Variants in MLLT10 observed in about 807,000 individuals in gnomAD.
The protein encoded by MLLT10 is MLLT10 histone lysine methyltransferase DOT1L cofactor.
A neutral mutation model predicts 129.1 loss-of-function variants in MLLT10; 30 were observed. That is an observed-to-expected ratio of 0.23 (90% CI 0.17 to 0.32). The LOEUF is 0.32. Among genes scored for constraint, MLLT10 ranks in the 10% least tolerant of loss-of-function variants. MLLT10 has a pLI of 1.00. For missense variants in MLLT10, 1,119 were observed against 1,268.3 expected, an observed-to-expected ratio of 0.88 and a Z score of 1.79; for synonymous variants, 490 against 446.4, an observed-to-expected ratio of 1.10 and a Z score of -1.23.
intron 13 of MLLT10, among the ~76,000 whole-genome samples, chr10:21,708,369 A>C (rs562603787): frequency 6.6e-6 from 1 of 152,352 alleles, no homozygotes; most frequent in South Asian, 2.1e-4. Flanking sequence ...TAAAAACAGC[A>C]TATGACTTAA....
In MLLT10 at chr10:21,733,910, G is replaced by T; in HGVS notation, c.2639G>T (p.Ser880Ile). ...GGCGTGACAGTGGGGGCACTAGCTA[G>T]TGGAATGCAGCCTGTAACTTCCACC... ...VNGVTVGALA[S>I]GMQPVTSTIP... Residue 880 changes from serine (S) to isoleucine (I), a missense_variant, in exon 20 of 23, where the codon AGT (serine) becomes ATT (isoleucine). Coordinates refer to ENST00000307729, the MANE Select transcript of MLLT10 (RefSeq NM_001195626.3). 6.2e-7 allele frequency: 1 copy of T among 1,614,202 alleles called. No homozygotes were observed. The highest frequency in any genetic ancestry group is 8.5e-7 in the Non-Finnish European group (1 of 1,180,044).
At chr10:21,670,136 A>G (rs144346170) in intron 9 of MLLT10, among the ~76,000 whole-genome samples, 24 of 152,312 alleles carry the variant, frequency 1.6e-4, no homozygotes, top group Admixed American at 1.6e-3. Flanking sequence ...TTGCTTGACA[A>G]ATGAGTATCT....
intron 21 of MLLT10, chr10:21,738,325 T>A (rs2058549135): frequency 1.9e-6 from 2 of 1,052,604 alleles, no homozygotes; most frequent in Non-Finnish European, 2.5e-6. Context: ...TTCTTACCAG[T>A]TGCCTCATCT....
chr10:21,635,554 CTG>C (rs1006530402), intron 8 of MLLT10, among the ~76,000 whole-genome samples: 6 of 151,974 alleles, frequency 3.9e-5, no homozygotes, highest in Non-Finnish European at 7.4e-5. Context: ...TTAGTAGAGA[CTG>C]TGTTTCATCA....
intron 9 of MLLT10, among the ~76,000 whole-genome samples, chr10:21,654,452 C>T (rs982452949): frequency 3.3e-5 from 5 of 151,980 alleles, no homozygotes; most frequent in Non-Finnish European, 5.9e-5. Flanking sequence ...TAAATCCAGA[C>T]GTTTTTTGGT....
At position 21,583,676 on chromosome 10, in the gene MLLT10, T is replaced by C. The variant is rs187743515; in HGVS notation, c.241-2618T>C. 2.1e-3 allele frequency among the ~76,000 whole-genome samples: 327 copies of C among 152,134 alleles called. 3 individuals carry two copies. The highest frequency in any genetic ancestry group is 7.5e-3 in the African/African-American group (312 of 41,506). On this transcript the variant is annotated intron_variant, in intron 3 of 22. Coordinates refer to ENST00000307729, the MANE Select transcript of MLLT10 (RefSeq NM_001195626.3). Reference sequence around the variant, plus strand: ...AGAAGGGAGCAAGGTGGCAGGCTCTTTTTACCAATCAGATCTCACATGAGC... The same window carrying C: ...AGAAGGGAGCAAGGTGGCAGGCTCTCTTTACCAATCAGATCTCACATGAGC...
At position 21,585,827 on chromosome 10, in the gene MLLT10, T is replaced by C. The variant is rs1302150701; in HGVS notation, c.241-467T>C. 2.0e-5 allele frequency among the ~76,000 whole-genome samples: 3 copies of C among 152,240 alleles called. No individual in the cohort carries two copies. The East Asian group carries it at 5.8e-4, about 29-fold the overall frequency. Reference sequence around the variant, plus strand: ...CCCAGACTGGAGTGCAATGGCGCGATCTTGGCTCACCGCAACCTGTACCTC... The same window carrying C: ...CCCAGACTGGAGTGCAATGGCGCGACCTTGGCTCACCGCAACCTGTACCTC... On this transcript the variant is annotated intron_variant, in intron 3 of 22. Transcript: ENST00000307729.
At chr10:21,606,757 A>T (rs150602624) in intron 5 of MLLT10, among the ~76,000 whole-genome samples, 1 of 152,206 alleles carries the variant, frequency 6.6e-6, no homozygotes, top group Admixed American at 6.5e-5. Context: ...GATAGAATCT[A>T]TTTCCTCTGA....
chr10:21,711,239 A>G (rs2056055936), intron 13 of MLLT10, among the ~76,000 whole-genome samples: 1 of 152,096 alleles, frequency 6.6e-6, no homozygotes, highest in South Asian at 2.1e-4. Context: ...CCTGGCCGAC[A>G]TGGTGAAACC....
chr10:21,692,829 T>C (rs192373962), intron 13 of MLLT10, among the ~76,000 whole-genome samples: 1 of 152,264 alleles, frequency 6.6e-6, no homozygotes, highest in African/African-American at 2.4e-5. Flanking sequence ...GTATTGTGTT[T>C]TCTTGTCTCT....
intron 14 of MLLT10, among the ~76,000 whole-genome samples, chr10:21,724,643 G>C (rs2057354624): frequency 6.6e-6 from 1 of 152,202 alleles, no homozygotes; most frequent in South Asian, 2.1e-4. Context: ...TTAAATCTGA[G>C]AATTATTTCA....
chr10:21,716,301 A>G (rs900373419), intron 14 of MLLT10, among the ~76,000 whole-genome samples: 8 of 152,204 alleles, frequency 5.3e-5, no homozygotes, highest in Admixed American at 2.6e-4. Flanking sequence ...TTGTGTTTAG[A>G]TAGTCACATC....
intron 3 of MLLT10, among the ~76,000 whole-genome samples, chr10:21,568,917 G>T (rs2131027209): frequency 6.6e-6 from 1 of 152,312 alleles, no homozygotes; most frequent in East Asian, 1.9e-4. Context: ...TAACAGGCAT[G>T]AGCCACTGCT....
chr10:21,615,464 AAAAAAAAAAAG>A (rs1336235934), intron 7 of MLLT10, among the ~76,000 whole-genome samples: 10 of 133,804 alleles, frequency 7.5e-5, no homozygotes, highest in East Asian at 1.9e-4. Flanking sequence ...TCTCAAAAAA[AAAAAAAAAAAG>A]AAAAAAAAAA....
chr10:21,699,296 G>T (rs546108906), intron 13 of MLLT10, among the ~76,000 whole-genome samples: 2 of 145,504 alleles, frequency 1.4e-5, no homozygotes, highest in African/African-American at 5.1e-5. Context: ...TTAGTCTGTT[G>T]TCAGGTGAAT....
At chr10:21,718,140 C>T (rs960992458) in intron 14 of MLLT10, among the ~76,000 whole-genome samples, 14 of 152,006 alleles carry the variant, frequency 9.2e-5, no homozygotes, top group South Asian at 2.1e-4. Context: ...CCACTGCGCC[C>T]GGCCTCTATT....
rs532430433 is a variant in MLLT10 at position 21,560,369 on chromosome 10, A to G, written c.240+21457A>G. 5.5e-4 allele frequency among the ~76,000 whole-genome samples: 84 copies of G among 152,300 alleles called. 1 individual carries two copies. The Middle Eastern group carries it at 0.01, about 19-fold the overall frequency. ...TCAGCTTTTTGTATTCCTACCAACAATGCATGAAGGTTCAGTCTTTTTCCA... is the reference window on the plus strand; with the variant it reads ...TCAGCTTTTTGTATTCCTACCAACAGTGCATGAAGGTTCAGTCTTTTTCCA... On this transcript the variant is annotated intron_variant, in intron 3 of 22. Coordinates refer to ENST00000307729, the MANE Select transcript of MLLT10 (RefSeq NM_001195626.3).
chr10:21,718,344 T>C (rs886801663), intron 14 of MLLT10, among the ~76,000 whole-genome samples: 3 of 152,074 alleles, frequency 2.0e-5, no homozygotes, highest in African/African-American at 7.2e-5. Flanking sequence ...TGGATCAGGG[T>C]AGAGGTATAA....
rs190239167 is a variant in MLLT10 at position 21,649,939 on chromosome 10, A to G, written c.700-1734A>G. 2.2e-3 allele frequency among the ~76,000 whole-genome samples: 330 copies of G among 152,344 alleles called. 3 individuals are homozygous for G. The highest frequency in any genetic ancestry group is 7.6e-3 in the African/African-American group (314 of 41,570). On this transcript the variant is annotated intron_variant, in intron 8 of 22. Coordinates refer to ENST00000307729, the MANE Select transcript of MLLT10 (RefSeq NM_001195626.3). ...TGGCATGATTCTTTGGGGAGTCATT[A>G]TCTGCCACAATCAAAATAACTTTAG...
Sources: gnomAD v4.1 joint callset for allele counts (sites outside exome capture counted in the v4.1 genomes callset) on GRCh38, gnomAD v4.1.1 for gene constraint, MANE v1.5 for transcripts, NCBI Gene and HGNC (gene_info 2026-07-23, HGNC 2026-07-21) for gene names.